Variants in SDCCAG8 observed in about 807,000 individuals in gnomAD.
SDCCAG8 encodes the protein SHH signaling and ciliogenesis regulator SDCCAG8.
Under a neutral mutation model 101.8 loss-of-function variants are expected in SDCCAG8, and 74 were observed. The ratio of observed to expected loss-of-function variants is 0.73; its 90% CI spans 0.60 to 0.88. The LOEUF (loss-of-function observed/expected upper bound fraction) is 0.88, where lower values mean the gene tolerates loss of function less well. SDCCAG8 is among the 40% of genes least tolerant of loss of function. SDCCAG8 has a pLI of 0.00. For synonymous variants in SDCCAG8, 281 were observed against 292.9 expected (o/e 0.96, Z 0.41); for missense variants, 787 against 822.6 (o/e 0.96, Z 0.53).
intron 13 of SDCCAG8, among the ~76,000 whole-genome samples, chr1:243,412,569 T>A (rs956809580): frequency 1.3e-5 from 2 of 152,150 alleles, no homozygotes; most frequent in Admixed American, 1.3e-4. Flanking sequence ...AGATTTTTTT[T>A]GTGTGATTTT....
At chr1:243,447,677 A>G (rs2148117198) in intron 16 of SDCCAG8, among the ~76,000 whole-genome samples, 1 of 152,376 alleles carries the variant, frequency 6.6e-6, no homozygotes, top group Non-Finnish European at 1.5e-5. Flanking sequence ...TTTGGAACAT[A>G]CTGCATAAAC....
intron 13 of SDCCAG8, among the ~76,000 whole-genome samples, chr1:243,393,309 C>T (rs549549759): frequency 2.6e-5 from 4 of 151,902 alleles, no homozygotes; most frequent in Non-Finnish European, 4.4e-5. Context: ...CAGATGGCAC[C>T]GAAAGCTGGC....
At chr1:243,274,278 C>A (rs190283649) in intron 3 of SDCCAG8, among the ~76,000 whole-genome samples, 131 of 152,318 alleles carry the variant, frequency 8.6e-4, no homozygotes, top group African/African-American at 3.1e-3. Context: ...CACCAAGATT[C>A]ATTCATCATG....
rs182494626 is a variant in SDCCAG8, at chr1:243,257,585, C to T, written c.67+1345C>T. On this transcript the variant is annotated intron_variant, in intron 1 of 17. Transcript: ENST00000366541. The stretch of plus-strand genomic sequence containing the variant: ...TGTTATTTATACTTGTTACTTAAAG[C>T]AAAGTGAAGGTTTTTCAATATTAGA... 2.5e-3 allele frequency among the ~76,000 whole-genome samples: 378 copies of T among 152,210 alleles called. 3 individuals carry two copies. Among genetic ancestry groups the T allele is most frequent in the African/African-American group, 8.6e-3 (359 of 41,528 alleles).
chr1:243,347,424 G>GT (rs1269492678), intron 12 of SDCCAG8, among the ~76,000 whole-genome samples: 3 of 152,140 alleles, frequency 2.0e-5, no homozygotes, highest in Non-Finnish European at 4.4e-5. Context: ...AGGAGAACAA[G>GT]TATGTTTTTG....
At chr1:243,409,032 G>C (rs1171019362) in intron 13 of SDCCAG8, among the ~76,000 whole-genome samples, 4 of 152,114 alleles carry the variant, frequency 2.6e-5, no homozygotes, top group Non-Finnish European at 5.9e-5. Flanking sequence ...GAGTTTGGCT[G>C]TACTCCATTG....
intron 11 of SDCCAG8, 120 bp downstream of exon 11, chr1:243,341,293 T>C: frequency 1.8e-6 from 2 of 1,115,210 alleles, no homozygotes; most frequent in Middle Eastern, 2.1e-4. Flanking sequence ...AAAAGTTTTG[T>C]GATTTCAAGA....
intron 7 of SDCCAG8, chr1:243,306,673 C>CT (rs1573146902): frequency 6.6e-6 from 1 of 152,024 alleles, no homozygotes; most frequent in Non-Finnish European, 1.5e-5. Context: ...TTCCCAAGTT[C>CT]TTTTTATAAA....
chr1:243,425,124 G>C (rs890868186), intron 15 of SDCCAG8, among the ~76,000 whole-genome samples: 2 of 152,130 alleles, frequency 1.3e-5, no homozygotes, highest in Admixed American at 1.3e-4. Context: ...AGCAAATGTA[G>C]ATTGAGCACT....
rs552338488 is a variant in SDCCAG8, at chr1:243,498,857, TG to T, written c.2113-896del. On this transcript the variant is annotated intron_variant, in intron 17 of 17. Transcript: ENST00000366541. Reference sequence around the variant, plus strand: ...CTAACTAAAGAAAGAGGGACCAGATTGGGCCCCTGGCCCTGCAGTGCGTCCC... The same window carrying T: ...CTAACTAAAGAAAGAGGGACCAGATTGGCCCCTGGCCCTGCAGTGCGTCCC... 1.6e-3 allele frequency among the ~76,000 whole-genome samples: 237 copies of T among 152,338 alleles called. 1 individual carries two copies. Among genetic ancestry groups the T allele is most frequent in the African/African-American group, 5.5e-3 (227 of 41,580 alleles).
intron 16 of SDCCAG8, among the ~76,000 whole-genome samples, chr1:243,430,970 G>C (rs1241400096): frequency 6.6e-6 from 1 of 152,026 alleles, no homozygotes; most frequent in African/African-American, 2.4e-5. Flanking sequence ...AGGCCGAGGT[G>C]TGTGGATCAT....
intron 16 of SDCCAG8, among the ~76,000 whole-genome samples, chr1:243,473,363 A>T (rs9428963): frequency 2.6e-5 from 4 of 151,706 alleles, no homozygotes; most frequent in African/African-American, 9.7e-5. Flanking sequence ...CCCTCCCCCT[A>T]CCCCTTCTTG....
chr1:243,387,684 C>T lies in SDCCAG8; in HGVS notation c.1616+8821C>T, dbSNP rs1034786141. ...ATAGAGGCTGCCTTTCCAGGGCTTT[C>T]AGTTTCCACATAGTAACTAGTACAG... On this transcript the variant is annotated intron_variant, in intron 13 of 17. Coordinates refer to ENST00000366541, the MANE Select transcript of SDCCAG8 (RefSeq NM_006642.5). 3.3e-5 allele frequency among the ~76,000 whole-genome samples: 5 copies of T among 152,274 alleles called. 1 individual carries two copies. Among genetic ancestry groups the T allele is most frequent in the African/African-American group, 9.6e-5 (4 of 41,562 alleles).
chr1:243,322,181 A>C (rs527784917), intron 9 of SDCCAG8, among the ~76,000 whole-genome samples: 1 of 152,338 alleles, frequency 6.6e-6, no homozygotes, highest in South Asian at 2.1e-4. Context: ...ACTGGCTTTT[A>C]AGAAAAGAAA....
rs372128156 is a variant in SDCCAG8 at position 243,294,225 on chromosome 1, A to G, written c.675+1006A>G. Among the ~76,000 whole-genome samples, 39 of 152,116 alleles carry G rather than the reference A, an allele frequency of 2.6e-4. No homozygotes were observed. The South Asian group carries it at 6.8e-3, about 27-fold the overall frequency. The stretch of plus-strand genomic sequence containing the variant: ...GTTGTTGAAAATTGAGCATTTCCCT[A>G]TTGTAATGTGATAACTCTGGAAATC... On this transcript the variant is annotated intron_variant, in intron 6 of 17. Coordinates refer to ENST00000366541, the MANE Select transcript of SDCCAG8 (RefSeq NM_006642.5).
intron 6 of SDCCAG8, among the ~76,000 whole-genome samples, chr1:243,295,829 C>T (rs1185714512): frequency 6.6e-6 from 1 of 152,108 alleles, no homozygotes; most frequent in East Asian, 1.9e-4. Flanking sequence ...CCCCCTAGCA[C>T]TGTGTTTATG....
chr1:243,330,552 T>TG lies in SDCCAG8; in HGVS notation c.1082dup (p.Cys361TrpfsTer2). 3 of 1,614,084 alleles carry TG rather than the reference T, an allele frequency of 1.9e-6. No homozygotes were observed. The highest frequency in any genetic ancestry group is 2.5e-6 in the Non-Finnish European group (3 of 1,179,988). ...TCTATCCTGGCAGGCTTTAATCCAG[T>TG]GTGACCAGTTGAGGAAGGAGCTGGA... On this transcript the variant is annotated frameshift_variant, in exon 10 of 18. Coordinates refer to ENST00000366541, the MANE Select transcript of SDCCAG8 (RefSeq NM_006642.5). LOFTEE classifies it high-confidence loss of function.
intron 13 of SDCCAG8, among the ~76,000 whole-genome samples, chr1:243,379,081 A>G (rs578217806): frequency 3.3e-5 from 5 of 152,352 alleles, no homozygotes; most frequent in Admixed American, 2.6e-4. Context: ...CCTTTCATCT[A>G]CAATGCTCAA....
At chr1:243,294,461 C>G (rs1358691045) in intron 6 of SDCCAG8, among the ~76,000 whole-genome samples, 3 of 72,178 alleles carry the variant, frequency 4.2e-5, no homozygotes, top group Non-Finnish European at 1.1e-4. Context: ...ACCCTCCACT[C>G]CCCCCAAAAG....
Sources: gnomAD v4.1 joint callset for allele counts (sites outside exome capture counted in the v4.1 genomes callset) on GRCh38, gnomAD v4.1.1 for gene constraint, MANE v1.5 for transcripts, NCBI Gene and HGNC (gene_info 2026-07-23, HGNC 2026-07-21) for gene names.